Variants in M1AP observed in about 807,000 individuals in gnomAD.
The protein encoded by M1AP is meiosis 1 arrest protein.
A neutral mutation model predicts 51.2 loss-of-function variants in M1AP; 39 were observed. That is an observed-to-expected ratio of 0.76 (90% CI 0.59 to 1.00). The LOEUF (loss-of-function observed/expected upper bound fraction) is 1.00. Among genes scored for constraint, M1AP ranks in the 50% least tolerant of loss-of-function variants. The pLI, the probability that M1AP is intolerant of heterozygous loss-of-function variation, is 0.00. For missense variants in M1AP, 545 were observed against 641.2 expected, an observed-to-expected ratio of 0.85 and a Z score of 1.62; for synonymous variants, 251 against 249.2, an observed-to-expected ratio of 1.01 and a Z score of -0.07.
chr2:74,630,009 T>A (rs1184443366), intron 2 of M1AP, among the ~76,000 whole-genome samples: 1 of 151,636 alleles, frequency 6.6e-6, no homozygotes, highest in African/African-American at 2.4e-5. Flanking sequence ...GGCATAATCA[T>A]GACTTACTGC....
intron 2 of M1AP, among the ~76,000 whole-genome samples, chr2:74,632,170 A>AT (rs1307652174): frequency 1.3e-5 from 2 of 152,222 alleles, no homozygotes; most frequent in African/African-American, 4.8e-5. Flanking sequence ...CCTATGTGTG[A>AT]TTTTTTCAGG....
At chr2:74,627,199 T>C (rs1339167350) in intron 2 of M1AP, among the ~76,000 whole-genome samples, 2 of 152,152 alleles carry the variant, frequency 1.3e-5, no homozygotes, top group Admixed American at 1.3e-4. Flanking sequence ...AATATATCAA[T>C]AGTATTTTAA....
intron 8 of M1AP, among the ~76,000 whole-genome samples, chr2:74,560,884 C>G (rs952871211): frequency 6.6e-6 from 1 of 152,188 alleles, no homozygotes; most frequent in Non-Finnish European, 1.5e-5. Context: ...AGAGCACAAT[C>G]CCAGGCCTTG....
At chr2:74,565,692 G>T (rs1323932146) in intron 7 of M1AP, among the ~76,000 whole-genome samples, 1 of 151,928 alleles carries the variant, frequency 6.6e-6, no homozygotes, top group African/African-American at 2.4e-5. Flanking sequence ...AGCCGGGAGT[G>T]GTGGCACGTG....
Position 74,623,521 on chromosome 2 carries a change from GA to G in M1AP, c.241-8373del, listed in dbSNP as rs778031874. On this transcript the variant is annotated intron_variant, in intron 2 of 10. Coordinates refer to ENST00000421985, the MANE Select transcript of M1AP (RefSeq NM_001321739.2). ...CTGTCTATAAAAAAAAAAAAAAAGA[GA>G]GAGAGAGAGTTTGAGGCATTGAGAC... Among the ~76,000 whole-genome samples, 1,097 of 151,332 alleles carry G rather than the reference GA, an allele frequency of 7.2e-3. 12 individuals carry two copies. Among genetic ancestry groups the G allele is most frequent in the Middle Eastern group, 0.014 (4 of 290 alleles).
At chr2:74,596,297 A>G (rs1680328550) in intron 4 of M1AP, among the ~76,000 whole-genome samples, 1 of 152,212 alleles carries the variant, frequency 6.6e-6, no homozygotes, top group Non-Finnish European at 1.5e-5. Flanking sequence ...AAAAACAGTA[A>G]GATGGCGGGG....
chr2:74,622,276 G>A (rs1306014660), intron 2 of M1AP, among the ~76,000 whole-genome samples: 1 of 151,834 alleles, frequency 6.6e-6, no homozygotes, highest in East Asian at 1.9e-4. Context: ...TTTTGCTCTT[G>A]TTGCCCAGGC....
At chr2:74,594,144 G>A (rs551109662) in intron 4 of M1AP, among the ~76,000 whole-genome samples, 49 of 152,262 alleles carry the variant, frequency 3.2e-4, no homozygotes, top group African/African-American at 1.2e-3. Context: ...GTTTAACAAA[G>A]TTAATTTTCT....
intron 8 of M1AP, 134 bp downstream of exon 8, chr2:74,562,083 T>C (rs2104506544): frequency 7.0e-7 from 1 of 1,433,442 alleles, no homozygotes; most frequent in African/African-American, 1.4e-5. Context: ...CTATCCTTGC[T>C]TTCTCTTCTT....
chr2:74,601,276 T>A (rs1224984579), intron 4 of M1AP, among the ~76,000 whole-genome samples: 1 of 152,034 alleles, frequency 6.6e-6, no homozygotes, highest in East Asian at 1.9e-4. Context: ...AAGGGAGGTG[T>A]TAGATCTCTA....
chr2:74,558,249 T>G lies in M1AP; in HGVS notation c.*467A>C. Reference sequence around the variant, plus strand: ...CTCTTTGGAGGCTGAAGCCTGGTGGTGTAGTGGGAAGGGCACAGGCTCTGA... The same window carrying G: ...CTCTTTGGAGGCTGAAGCCTGGTGGGGTAGTGGGAAGGGCACAGGCTCTGA... On this transcript the variant is annotated 3_prime_UTR_variant, in exon 11 of 11. Transcript: ENST00000421985. 1 of 161,848 alleles carries G rather than the reference T, an allele frequency of 6.2e-6. No homozygotes were observed. 10.0% of individuals were successfully genotyped at this position (161,848 alleles called of 1,614,324 possible).
chr2:74,576,715 C>T (rs1679097811), intron 5 of M1AP, 97 bp from the exon 6 acceptor site: 1 of 1,386,250 alleles, frequency 7.2e-7, no homozygotes, highest in East Asian at 2.4e-5. Flanking sequence ...GAGACAACAT[C>T]TGCTACCCAT....
chr2:74,628,717 A>G (rs2104796297), intron 2 of M1AP: 1 of 622,370 alleles, frequency 1.6e-6, no homozygotes. Context: ...GCTGCCCAAA[A>G]GTCACATGAC....
intron 7 of M1AP, among the ~76,000 whole-genome samples, chr2:74,565,587 G>T (rs1678322736): frequency 6.6e-6 from 1 of 152,052 alleles, no homozygotes; most frequent in Admixed American, 6.6e-5. Context: ...CTAGCACTTT[G>T]AGAGGCCGAG....
At chr2:74,588,146 TTTC>T (rs1312965799) in intron 4 of M1AP, among the ~76,000 whole-genome samples, 1 of 152,242 alleles carries the variant, frequency 6.6e-6, no homozygotes, top group African/African-American at 2.4e-5. Flanking sequence ...GACCTGTTCC[TTTC>T]CGAATGACAT....
intron 4 of M1AP, among the ~76,000 whole-genome samples, chr2:74,605,900 C>CAAA (rs1255588829): frequency 2.4e-5 from 3 of 122,500 alleles, no homozygotes; most frequent in Admixed American, 8.6e-5. Context: ...GACTCCATCT[C>CAAA]AAAAAAAAAA....
intron 4 of M1AP, among the ~76,000 whole-genome samples, chr2:74,592,137 T>C (rs942085785): frequency 3.9e-5 from 6 of 152,038 alleles, no homozygotes; most frequent in Admixed American, 6.6e-5. Context: ...CTAGATAGAC[T>C]GTATAATAGC....
chr2:74,598,687 T>G (rs1226699990), intron 4 of M1AP, among the ~76,000 whole-genome samples: 1 of 148,758 alleles, frequency 6.7e-6, no homozygotes. Context: ...TGCAGTGGTG[T>G]GATCTTCATT....
chr2:74,566,253 G>C (rs973128469), intron 7 of M1AP, among the ~76,000 whole-genome samples: 1 of 152,180 alleles, frequency 6.6e-6, no homozygotes, highest in Non-Finnish European at 1.5e-5. Context: ...ATAGTAATGT[G>C]ACATTTCTCA....
Sources: gnomAD v4.1 joint callset for allele counts (sites outside exome capture counted in the v4.1 genomes callset) on GRCh38, gnomAD v4.1.1 for gene constraint, MANE v1.5 for transcripts, NCBI Gene and HGNC (gene_info 2026-07-23, HGNC 2026-07-21) for gene names.